TENM4: variants seen among roughly 807,000 people sequenced by gnomAD.
The protein encoded by TENM4 is teneurin transmembrane protein 4.
Under a neutral mutation model 243.3 loss-of-function variants are expected in TENM4, and 82 were observed. That is an observed-to-expected ratio of 0.34 (90% CI 0.28 to 0.40). The LOEUF (loss-of-function observed/expected upper bound fraction) is 0.40. Among genes scored for constraint, TENM4 ranks in the 10% least tolerant of loss-of-function variants. TENM4 has a pLI of 1.00. For synonymous variants in TENM4, 1,412 were observed against 1,456.3 expected (o/e 0.97, Z 0.69); for missense variants, 3,138 against 3,673.3 (o/e 0.85, Z 3.77).
At chr11:78,665,226 A>ATTTCTTTTCTTTCTCTC (rs1858127386) in intron 32 of TENM4, among the ~76,000 whole-genome samples, 1 of 86,260 alleles carries the variant, frequency 1.2e-5, no homozygotes, top group Admixed American at 1.1e-4. Flanking sequence ...CTTTTTCTTT[A>ATTTCTTTTCTTTCTCTC]TTTCTTTTCT....
chr11:79,351,329 C>T (rs1857412116), intron 1 of TENM4, among the ~76,000 whole-genome samples: 1 of 152,160 alleles, frequency 6.6e-6, no homozygotes, highest in Non-Finnish European at 1.5e-5. Context: ...GCAAGCTCCA[C>T]AAGGACACAG....
Position 79,012,908 on chromosome 11 carries a change from C to A in TENM4, c.493+51830G>T, listed in dbSNP as rs1858681844. Among the ~76,000 whole-genome samples, 5 of 152,126 alleles carry A rather than the reference C, an allele frequency of 3.3e-5. No homozygotes were observed. In the South Asian group the frequency reaches 1.0e-3, roughly 32 times the overall value. On this transcript the variant is annotated intron_variant, in intron 6 of 33. Transcript: ENST00000278550. ...AAGATGGCTAAAAAGTAGCCTTCAC[C>A]CTTGATCCCTCTTTTGCAGATGACA...
At chr11:79,175,353 G>T (rs1591333569) in intron 3 of TENM4, among the ~76,000 whole-genome samples, 1 of 152,184 alleles carries the variant, frequency 6.6e-6, no homozygotes, top group Non-Finnish European at 1.5e-5. Context: ...GGGGCAGGTT[G>T]TATTAATATG....
At chr11:79,272,015 T>C (rs542539139) in intron 2 of TENM4, among the ~76,000 whole-genome samples, 5 of 152,196 alleles carry the variant, frequency 3.3e-5, no homozygotes, top group Non-Finnish European at 7.4e-5. Context: ...GAGGTAGTGA[T>C]GTCTGCTTCC....
At chr11:78,890,083 C>T (rs1855629298) in intron 8 of TENM4, 63 bp from the exon 9 acceptor site, 3 of 1,367,996 alleles carry the variant, frequency 2.2e-6, no homozygotes, top group South Asian at 1.4e-5. Flanking sequence ...CCCAGACAAA[C>T]CTGGAGGCCA....
chr11:78,661,397 C>T, intron 33 of TENM4, 52 bp downstream of exon 33: 1 of 1,577,858 alleles, frequency 6.3e-7, no homozygotes, highest in Non-Finnish European at 8.6e-7. Flanking sequence ...AAGGGACCCC[C>T]TCCAGTAATG....
At position 78,658,269 on chromosome 11, in the gene TENM4, C is replaced by A; in HGVS notation, c.8099G>T (p.Arg2700Leu). 1 of 1,613,080 alleles carries A rather than the reference C, an allele frequency of 6.2e-7. No individual in the cohort carries two copies. Among genetic ancestry groups the A allele is most frequent in the East Asian group, 2.2e-5 (1 of 44,866 alleles). ...CTGCTGCTCGCGGGCCCACGCTTGG[C>A]GCACGGCTCTCTGCCGGGCCAGCTC... ...VLELARQRAV[R>L]QAWAREQQRL... Residue 2700 changes from arginine (R) to leucine (L), a missense_variant, in exon 34 of 34, where the codon CGC becomes CTC. This residue lies in a region of TENM4 where 2,467 missense variants were observed against 3,059.1 expected (regional missense o/e 0.81). Transcript: ENST00000278550.
chr11:79,212,984 G>A (rs1565252481), intron 3 of TENM4, among the ~76,000 whole-genome samples: 1 of 152,148 alleles, frequency 6.6e-6, no homozygotes, highest in Non-Finnish European at 1.5e-5. Flanking sequence ...CAGTAACTGG[G>A]TCCTATCTGT....
chr11:78,741,987 G>A (rs183633227), intron 19 of TENM4, among the ~76,000 whole-genome samples: 13 of 152,016 alleles, frequency 8.6e-5, no homozygotes, highest in South Asian at 2.1e-4. Context: ...TTTTCTACTC[G>A]TCCTTAGAGT....
chr11:79,380,810 T>C lies in TENM4; in HGVS notation c.-321+59699A>G, dbSNP rs564622884. The stretch of plus-strand genomic sequence containing the variant: ...AATAGAACCATTACTCAGAATTGAA[T>C]GTTGGAGGTTCCTGGATGTGCAGAC... On this transcript the variant is annotated intron_variant, in intron 1 of 33. Coordinates refer to ENST00000278550, the MANE Select transcript of TENM4 (RefSeq NM_001098816.3). 1.7e-3 allele frequency among the ~76,000 whole-genome samples: 256 copies of C among 152,308 alleles called. 1 individual carries two copies. Among genetic ancestry groups the C allele is most frequent in the African/African-American group, 5.8e-3 (242 of 41,578 alleles).
intron 6 of TENM4, among the ~76,000 whole-genome samples, chr11:78,930,604 T>C (rs1856646190): frequency 6.6e-6 from 1 of 152,194 alleles, no homozygotes; most frequent in African/African-American, 2.4e-5. Context: ...GTCAGGATCC[T>C]GGGGAAGATG....
Position 79,064,787 on chromosome 11 carries a change from G to T in TENM4, c.444C>A (p.Ala148=). The change falls in exon 6 of 34, where the codon GCC becomes GCA. Residue 148 remains alanine (A), a synonymous_variant. Transcript: ENST00000278550. ...TGTCGGTGAGTGTGAGATTGGAATT[G>T]GCCCGGCTGGACAGGCAGGAGCTGC... ...SGRSSCLSSR[A]NSNLTLTDTE... is the part of the protein sequence containing the mutation. 8 of 1,551,654 alleles carry T rather than the reference G, an allele frequency of 5.2e-6. No individual in the cohort carries two copies. Among genetic ancestry groups the T allele is most frequent in the Non-Finnish European group, 7.0e-6 (8 of 1,146,988 alleles).
intron 3 of TENM4, among the ~76,000 whole-genome samples, chr11:79,192,073 T>C (rs1264205868): frequency 1.4e-4 from 16 of 118,214 alleles, no homozygotes; most frequent in South Asian, 6.6e-4. Context: ...CAGCCAGCCG[T>C]CCCGTCCGGG....
chr11:78,982,150 C>T (rs1325543735), intron 6 of TENM4, among the ~76,000 whole-genome samples: 6 of 152,188 alleles, frequency 3.9e-5, no homozygotes, highest in Non-Finnish European at 7.3e-5. Flanking sequence ...CTCAGTCTCC[C>T]TCCAAGGAAA....
At chr11:79,220,158 G>C (rs1014961918) in intron 2 of TENM4, among the ~76,000 whole-genome samples, 8 of 152,254 alleles carry the variant, frequency 5.3e-5, no homozygotes, top group African/African-American at 1.9e-4. Context: ...AGGCAGCCCA[G>C]AGGGCTCCTA....
intron 9 of TENM4, among the ~76,000 whole-genome samples, chr11:78,879,403 G>A (rs1347628808): frequency 4.0e-5 from 6 of 151,532 alleles, no homozygotes; most frequent in African/African-American, 1.5e-4. Context: ...TGTCTGGGAG[G>A]TGGGGAGTGC....
chr11:79,057,896 C>A (rs2136960201), intron 6 of TENM4, among the ~76,000 whole-genome samples: 1 of 152,310 alleles, frequency 6.6e-6, no homozygotes. Context: ...CCTCTTACCC[C>A]TCTTTGCCTG....
At chr11:79,045,385 G>C (rs944406370) in intron 6 of TENM4, among the ~76,000 whole-genome samples, 1 of 152,176 alleles carries the variant, frequency 6.6e-6, no homozygotes, top group Non-Finnish European at 1.5e-5. Context: ...GGGGTCAGTG[G>C]GGTCAGAAGG....
In TENM4 at chr11:78,724,942, G is replaced by A. The variant is rs530483010; in HGVS notation, c.3550+1137C>T. ...GCCTGAGTGGAGCACAGAGAGAGAG[G>A]AGCCTGGGTCTCAGACCCTGCAGCC... On this transcript the variant is annotated intron_variant, in intron 23 of 33. Transcript: ENST00000278550. 3.3e-5 allele frequency among the ~76,000 whole-genome samples: 5 copies of A among 152,292 alleles called. No homozygotes were observed. The South Asian group carries it at 8.3e-4, about 25-fold the overall frequency.
Sources: allele counts gnomAD v4.1 joint callset (sites outside exome capture counted in the v4.1 genomes callset), GRCh38; gene constraint gnomAD v4.1.1; regional missense constraint gnomAD v4.1.1; transcripts MANE v1.5; gene names NCBI Gene and HGNC (gene_info 2026-07-23, HGNC 2026-07-21).